Variants in CYP3A4 observed in about 807,000 individuals in gnomAD.
The protein encoded by CYP3A4 is cytochrome P450 family 3 subfamily A member 4.
CYP3A4 carries 41 observed loss-of-function variants against 54.9 expected under a neutral mutation model. The ratio of observed to expected loss-of-function variants is 0.75; its 90% CI spans 0.58 to 0.97. The LOEUF (loss-of-function observed/expected upper bound fraction) is 0.97, where lower values mean the gene tolerates loss of function less well. CYP3A4 is among the 50% of genes least tolerant of loss of function. The pLI is 0.00. For missense variants in CYP3A4, 510 were observed against 597.3 expected (o/e 0.85, Z 1.52); for synonymous variants, 179 against 205.2 (o/e 0.87, Z 1.09).
intron 4 of CYP3A4, among the ~76,000 whole-genome samples, chr7:99,771,101 T>C (rs1228603957): frequency 2.0e-5 from 3 of 152,154 alleles, no homozygotes; most frequent in Admixed American, 6.6e-5. Context: ...CTCAACATTA[T>C]ACTGGGAAGT....
chr7:99,780,525 G>C (rs1423608750), intron 1 of CYP3A4, among the ~76,000 whole-genome samples: 1 of 152,156 alleles, frequency 6.6e-6, no homozygotes, highest in African/African-American at 2.4e-5. Context: ...TTGCATCACT[G>C]CAGCCACTCA....
chr7:99,768,839 A>G (rs1815550522), intron 6 of CYP3A4, among the ~76,000 whole-genome samples: 1 of 152,222 alleles, frequency 6.6e-6, no homozygotes, highest in Non-Finnish European at 1.5e-5. Flanking sequence ...ACTGTGCTTC[A>G]GCAGAACAAG....
At chr7:99,778,457 A>G (rs1184117132) in intron 2 of CYP3A4, among the ~76,000 whole-genome samples, 3 of 152,214 alleles carry the variant, frequency 2.0e-5, no homozygotes, top group African/African-American at 7.2e-5. Flanking sequence ...GTGAATTAGC[A>G]TCAGAAGAGA....
chr7:99,783,574 A>T (rs1168619769), intron 1 of CYP3A4, among the ~76,000 whole-genome samples: 1 of 150,218 alleles, frequency 6.7e-6, no homozygotes, highest in East Asian at 1.9e-4. Flanking sequence ...TGTTTGTAGC[A>T]TCCAACACTT....
intron 1 of CYP3A4, among the ~76,000 whole-genome samples, chr7:99,781,362 T>C (rs1342552231): frequency 1.3e-5 from 2 of 152,186 alleles, no homozygotes; most frequent in Non-Finnish European, 2.9e-5. Context: ...AAGACTAACA[T>C]AGCCAGACAT....
rs371360704 is a variant in CYP3A4, at chr7:99,784,077, G to A, written c.5C>T (p.Ala2Val). The change falls in exon 1 of 13, where the codon GCT (alanine) becomes GTT (valine). Residue 2 changes from alanine to valine, a missense_variant. This residue lies in a region of CYP3A4 where 272 missense variants were observed against 274.9 expected (regional missense o/e 0.99). Transcript: ENST00000651514. ...TTCCATGGCCAAGTCTGGGATGAGA[G>A]CCATCACTACTTTCCTTACTTATCT... is the stretch of plus-strand genomic sequence containing the variant. M[A>V]LIPDLAMETW... 40 of 1,613,706 alleles carry A rather than the reference G, an allele frequency of 2.5e-5. No individual in the cohort carries two copies. The highest frequency in any genetic ancestry group is 6.7e-5 in the Admixed American group (4 of 60,010).
At chr7:99,763,715 C>G (rs921039682) in intron 10 of CYP3A4, 140 bp downstream of exon 10, 12 of 1,231,582 alleles carry the variant, frequency 9.7e-6, no homozygotes, top group South Asian at 1.6e-5. Flanking sequence ...CTTTCTTTTT[C>G]TTTTCAGAGC....
chr7:99,770,942 ACT>A (rs1815619917), intron 4 of CYP3A4, among the ~76,000 whole-genome samples: 2 of 152,070 alleles, frequency 1.3e-5, no homozygotes, highest in South Asian at 4.1e-4. Context: ...TATGATAAAA[ACT>A]CAGCAAACTA....
intron 4 of CYP3A4, 82 bp downstream of exon 4, chr7:99,772,507 AG>A (rs1815660068): frequency 1.9e-6 from 3 of 1,559,810 alleles, no homozygotes; most frequent in Non-Finnish European, 2.6e-6. Flanking sequence ...GACATTTTTT[AG>A]GCAACTGTCT....
At chr7:99,779,895 T>C in intron 2 of CYP3A4, 97 bp downstream of exon 2, 1 of 1,174,084 alleles carries the variant, frequency 8.5e-7, no homozygotes, top group South Asian at 1.3e-5. Context: ...AGTGTAAAAC[T>C]TCAGACCTTC....
chr7:99,764,679 CA>C (rs1295001666), intron 9 of CYP3A4, among the ~76,000 whole-genome samples: 1 of 152,182 alleles, frequency 6.6e-6, no homozygotes, highest in Non-Finnish European at 1.5e-5. Context: ...GATTTGTGTG[CA>C]TAGCCTAGCT....
At chr7:99,759,524 C>T (rs1815263234) in intron 12 of CYP3A4, among the ~76,000 whole-genome samples, 1 of 152,178 alleles carries the variant, frequency 6.6e-6, no homozygotes, top group African/African-American at 2.4e-5. Context: ...CTGCACATCA[C>T]TCCTTAAACA....
intron 3 of CYP3A4, among the ~76,000 whole-genome samples, chr7:99,776,856 A>C (rs987089039): frequency 3.9e-5 from 6 of 152,190 alleles, no homozygotes; most frequent in Non-Finnish European, 7.3e-5. Flanking sequence ...AAAACTAAAA[A>C]TAAAAAATAA....
intron 11 of CYP3A4, 132 bp downstream of exon 11, chr7:99,761,908 TA>T (rs1296052035): frequency 9.2e-6 from 8 of 867,412 alleles, no homozygotes; most frequent in South Asian, 1.7e-5. Flanking sequence ...ATTTGATGAT[TA>T]AAAAAATCTC....
rs1171443447 is a variant in CYP3A4 at position 99,757,595 on chromosome 7, A to G, written c.*538T>C. 2 of 154,262 alleles carry G rather than the reference A, an allele frequency of 1.3e-5. No homozygotes were observed. The highest frequency in any genetic ancestry group is 2.9e-5 in the Non-Finnish European group (2 of 69,392). The allele number at this position is 154,262 out of a possible 1,614,324, so 9.6% of individuals were successfully genotyped here. A position where few individuals can be genotyped will look rare whatever the true frequency, so the allele number is the denominator to read the frequency against. On this transcript the variant is annotated 3_prime_UTR_variant, in exon 13 of 13. Transcript: ENST00000651514. ...CAAAGGCCCCACGCCAACAGTGATT[A>G]CAATGACCAAAAATATTTACTTGTT...
At chr7:99,770,041 G>T (rs1225246994) in intron 5 of CYP3A4, 81 bp downstream of exon 5, 2 of 1,539,266 alleles carry the variant, frequency 1.3e-6, no homozygotes, top group African/African-American at 1.4e-5. Flanking sequence ...CCCTTGGAAA[G>T]GGACTGTGAT....
chr7:99,762,358 C>A, intron 10 of CYP3A4, 91 bp from the exon 11 acceptor site: 2 of 1,463,570 alleles, frequency 1.4e-6, no homozygotes, highest in Non-Finnish European at 9.4e-7. Context: ...TTAGGAGCTC[C>A]AGAGACTAAC....
chr7:99,763,166 A>C (rs1462962849), intron 10 of CYP3A4, among the ~76,000 whole-genome samples: 3 of 152,168 alleles, frequency 2.0e-5, no homozygotes, highest in Non-Finnish European at 4.4e-5. Flanking sequence ...GCTCCGTCAG[A>C]CTACAGCCAG....
intron 7 of CYP3A4, among the ~76,000 whole-genome samples, chr7:99,767,722 A>G (rs1815510868): frequency 6.6e-6 from 1 of 152,224 alleles, no homozygotes; most frequent in Admixed American, 6.5e-5. Flanking sequence ...ACTCACACAT[A>G]TGTGGAAGTT....
Sources: allele counts gnomAD v4.1 joint callset (sites outside exome capture counted in the v4.1 genomes callset), GRCh38; gene constraint gnomAD v4.1.1; regional missense constraint gnomAD v4.1.1; transcripts MANE v1.5; gene names NCBI Gene and HGNC (gene_info 2026-07-23, HGNC 2026-07-21).